The following KCNH7 variants were observed in gnomAD, a reference collection of about 807,000 sequenced individuals.
KCNH7 encodes voltage-gated inwardly rectifying potassium channel KCNH7.
Under a neutral mutation model 120.8 loss-of-function variants are expected in KCNH7, and 49 were observed. The ratio of observed to expected loss-of-function variants is 0.41; its 90% CI spans 0.32 to 0.51. KCNH7 has a LOEUF of 0.51. Ranked by LOEUF, KCNH7 falls within the 20% of genes least tolerant of loss-of-function variation. The pLI, the probability that KCNH7 is intolerant of heterozygous loss-of-function variation, is 0.38. For missense variants in KCNH7, 1,097 were observed against 1,446.6 expected (o/e 0.76, Z 3.92); for synonymous variants, 547 against 516.1 (o/e 1.06, Z -0.81).
chr2:162,459,716 CA>C, intron 6 of KCNH7, among the ~76,000 whole-genome samples: 1 of 152,146 alleles, frequency 6.6e-6, no homozygotes, highest in Non-Finnish European at 1.5e-5. Context: ...AATAAAGCCA[CA>C]TCCATATTCT....
At chr2:162,404,337 C>G (rs933132024) in intron 9 of KCNH7, among the ~76,000 whole-genome samples, 2 of 151,904 alleles carry the variant, frequency 1.3e-5, no homozygotes, top group African/African-American at 4.8e-5. Context: ...GTTTCACTGT[C>G]TGCAGCTTGA....
At chr2:162,449,224 C>T (rs1331683131) in intron 6 of KCNH7, among the ~76,000 whole-genome samples, 1 of 152,004 alleles carries the variant, frequency 6.6e-6, no homozygotes, top group Non-Finnish European at 1.5e-5. Flanking sequence ...GGATAGGGAT[C>T]TCAGGCTCTG....
chr2:162,416,375 G>GAAA (rs962524373), intron 9 of KCNH7, among the ~76,000 whole-genome samples: 19 of 65,710 alleles, frequency 2.9e-4, no homozygotes, highest in African/African-American at 2.7e-4. Context: ...TCCGTCTCTA[G>GAAA]AAAAAAAAAA....
chr2:162,629,325 C>A (rs757740194), intron 2 of KCNH7, among the ~76,000 whole-genome samples: 5 of 152,048 alleles, frequency 3.3e-5, no homozygotes, highest in Admixed American at 6.6e-5. Flanking sequence ...ACTTCCCCCA[C>A]CATTCCCATT....
chr2:162,786,667 G>A (rs1683718038), intron 2 of KCNH7, among the ~76,000 whole-genome samples: 1 of 152,192 alleles, frequency 6.6e-6, no homozygotes, highest in Non-Finnish European at 1.5e-5. Context: ...GTAAGCTGCT[G>A]TCTAACACAA....
intron 2 of KCNH7, among the ~76,000 whole-genome samples, chr2:162,800,834 T>C (rs933498117): frequency 4.0e-5 from 6 of 151,890 alleles, no homozygotes; most frequent in Non-Finnish European, 8.8e-5. Flanking sequence ...TTTAGAGCAC[T>C]AAAAGTAATC....
At chr2:162,791,689 A>G (rs1683951120) in intron 2 of KCNH7, among the ~76,000 whole-genome samples, 1 of 151,994 alleles carries the variant, frequency 6.6e-6, no homozygotes, top group African/African-American at 2.4e-5. Flanking sequence ...GGCTGAGACT[A>G]TGGGGTTTTC....
intron 2 of KCNH7, among the ~76,000 whole-genome samples, chr2:162,623,093 T>A (rs563500412): frequency 8.5e-5 from 13 of 152,152 alleles, no homozygotes; most frequent in Admixed American, 7.9e-4. Context: ...AGTCACAAGG[T>A]GGTTTTGAGA....
At chr2:162,458,234 T>C (rs1390096429) in intron 6 of KCNH7, among the ~76,000 whole-genome samples, 1 of 152,108 alleles carries the variant, frequency 6.6e-6, no homozygotes, top group African/African-American at 2.4e-5. Context: ...TATGCTAATA[T>C]GAAAAATATC....
chr2:162,809,413 T>G (rs1684655181), intron 2 of KCNH7, among the ~76,000 whole-genome samples: 1 of 152,206 alleles, frequency 6.6e-6, no homozygotes, highest in Non-Finnish European at 1.5e-5. Context: ...AATATCAGAA[T>G]GACATTTTAG....
At chr2:162,385,316 G>C (rs1250509826) in intron 12 of KCNH7, among the ~76,000 whole-genome samples, 1 of 151,834 alleles carries the variant, frequency 6.6e-6, no homozygotes, top group Non-Finnish European at 1.5e-5. Context: ...TATGCAACTT[G>C]CTATTTGTTT....
At chr2:162,634,792 T>G (rs1683897031) in intron 2 of KCNH7, among the ~76,000 whole-genome samples, 2 of 152,042 alleles carry the variant, frequency 1.3e-5, no homozygotes, top group African/African-American at 4.8e-5. Context: ...CTGTCACTGT[T>G]CACTAACTTG....
chr2:162,519,416 A>G (rs1264858864), intron 3 of KCNH7, among the ~76,000 whole-genome samples: 1 of 151,856 alleles, frequency 6.6e-6, no homozygotes, highest in Non-Finnish European at 1.5e-5. Flanking sequence ...TCAAAAAAAC[A>G]AAAGCTTATA....
chr2:162,752,232 G>C (rs1486076451), intron 2 of KCNH7, among the ~76,000 whole-genome samples: 3 of 151,956 alleles, frequency 2.0e-5, no homozygotes, highest in South Asian at 2.1e-4. Flanking sequence ...TGGTTCAGTG[G>C]GTCCATTAAT....
Position 162,512,827 on chromosome 2 carries a change from C to T in KCNH7, c.893-153G>A, listed in dbSNP as rs183739432. Among the ~76,000 whole-genome samples, 309 of 151,780 alleles carry T rather than the reference C, an allele frequency of 2.0e-3. 6 individuals carry two copies. Among genetic ancestry groups the T allele is most frequent in the Non-Finnish European group, 1.8e-3 (119 of 67,774 alleles). The stretch of plus-strand genomic sequence containing the variant: ...ATTGAAATTAACATTTTGTACTATT[C>T]CACCAAGTAACATGCATATACTAAA... On this transcript the variant is annotated intron_variant, in intron 4 of 15. Transcript: ENST00000332142.
chr2:162,545,144 T>C (rs1044010925), intron 2 of KCNH7, among the ~76,000 whole-genome samples: 1 of 152,158 alleles, frequency 6.6e-6, no homozygotes, highest in African/African-American at 2.4e-5. Context: ...AAGAGTGAGA[T>C]GTTAACAGAT....
At chr2:162,760,365 C>T (rs1324340643) in intron 2 of KCNH7, among the ~76,000 whole-genome samples, 2 of 152,002 alleles carry the variant, frequency 1.3e-5, no homozygotes, top group Admixed American at 1.3e-4. Context: ...TTTTATAAAT[C>T]TCAATAAACT....
chr2:162,534,226 A>T (rs1223687333), intron 3 of KCNH7, among the ~76,000 whole-genome samples: 1 of 151,520 alleles, frequency 6.6e-6, no homozygotes, highest in Non-Finnish European at 1.5e-5. Flanking sequence ...AAATAAATCG[A>T]TGCAATGAAA....
intron 6 of KCNH7, among the ~76,000 whole-genome samples, chr2:162,489,013 TTACC>T (rs1337857275): frequency 1.3e-5 from 2 of 152,356 alleles, no homozygotes; most frequent in Non-Finnish European, 2.9e-5. Context: ...CACTTATTAA[TTACC>T]TAGCTAATTC....
Sources: allele counts gnomAD v4.1 joint callset (sites outside exome capture counted in the v4.1 genomes callset), GRCh38; gene constraint gnomAD v4.1.1; transcripts MANE v1.5; gene names NCBI Gene and HGNC (gene_info 2026-07-23, HGNC 2026-07-21).